The following PRRC1 variants were observed in gnomAD, a reference collection of about 807,000 sequenced individuals.
PRRC1 encodes protein PRRC1.
PRRC1 carries 39 observed loss-of-function variants against 40.7 expected under a neutral mutation model. The ratio of observed to expected loss-of-function variants is 0.96; its 90% confidence interval spans 0.74 to 1.25. The LOEUF (loss-of-function observed/expected upper bound fraction) is 1.25. PRRC1 is among the 50% of genes most tolerant of loss of function. The probability of loss-of-function intolerance (pLI) is 0.00; values close to 1 mark genes in which losing one functional copy is unlikely to be tolerated. For synonymous variants in PRRC1, 175 were observed against 193.3 expected, an observed-to-expected ratio of 0.91 and a Z score of 0.79; for missense variants, 573 against 548.3, an observed-to-expected ratio of 1.05 and a Z score of -0.45.
intron 1 of PRRC1, among the ~76,000 whole-genome samples, chr5:127,521,822 T>A (rs184664389): frequency 1.3e-5 from 2 of 152,324 alleles, no homozygotes. Context: ...ATATTCACTT[T>A]TTCTGGACTC....
At chr5:127,549,117 G>C (rs1443284656) in intron 8 of PRRC1, 2 of 150,964 alleles carry the variant, frequency 1.3e-5, no homozygotes, top group African/African-American at 4.9e-5. Flanking sequence ...ATATGATTCA[G>C]CTTAATTGAA....
intron 8 of PRRC1, chr5:127,548,234 G>A (rs1172300820): frequency 1.8e-5 from 9 of 495,798 alleles, no homozygotes; most frequent in African/African-American, 7.9e-5. Flanking sequence ...TTTTATGTCC[G>A]CCTTTCGTTT....
chr5:127,549,069 C>T (rs983996825), intron 8 of PRRC1: 1 of 151,610 alleles, frequency 6.6e-6, no homozygotes, highest in African/African-American at 2.4e-5. Context: ...GACGTTGTTG[C>T]CTTTGATGGT....
intron 5 of PRRC1, among the ~76,000 whole-genome samples, chr5:127,531,155 G>A (rs1208827796): frequency 6.6e-6 from 1 of 152,174 alleles, no homozygotes; most frequent in Non-Finnish European, 1.5e-5. Context: ...ATAAGGCCTA[G>A]CAATTGTTAA....
chr5:127,530,119 A>G (rs960332593), intron 4 of PRRC1, among the ~76,000 whole-genome samples, 175 bp from the exon 5 acceptor site: 2 of 152,178 alleles, frequency 1.3e-5, no homozygotes, highest in African/African-American at 4.8e-5. Flanking sequence ...AAAAAAATTG[A>G]GAGTATCATT....
intron 2 of PRRC1, chr5:127,523,934 G>A: frequency 5.7e-6 from 1 of 175,228 alleles, no homozygotes; most frequent in African/African-American, 2.4e-5. Flanking sequence ...GAGTGCAGTG[G>A]TGCGATCTCA....
intron 2 of PRRC1, 86 bp from the exon 3 acceptor site, chr5:127,524,445 T>C: frequency 7.4e-7 from 1 of 1,353,834 alleles, no homozygotes; most frequent in Non-Finnish European, 1.0e-6. Context: ...TTAAAAATTT[T>C]GCAAGAAGAA....
chr5:127,537,751 TTTAC>T (rs1480515210), intron 6 of PRRC1, among the ~76,000 whole-genome samples: 1 of 151,944 alleles, frequency 6.6e-6, no homozygotes, highest in Non-Finnish European at 1.5e-5. Context: ...GGAATGAATG[TTTAC>T]TTAAGCTTTT....
chr5:127,526,624 T>C lies in PRRC1; in HGVS notation c.500T>C (p.Leu167Ser). Residue 167 changes from leucine (L) to serine (S), a missense_variant, in exon 4 of 9, where the codon TTG (leucine) becomes TCG (serine). Coordinates refer to ENST00000296666, the MANE Select transcript of PRRC1 (RefSeq NM_130809.5). ...SFSAPSGTGLLPTPITQQASL... is the reference protein window; with the variant it reads ...SFSAPSGTGLSPTPITQQASL... ...AATTTTTGCCATTGATTAGGTCTTT[T>C]GCCAACTCCTATTACTCAGCAAGCC... 6.2e-7 allele frequency: 1 copy of C among 1,604,428 alleles called. No individual in the cohort carries two copies. Among genetic ancestry groups the C allele is most frequent in the Non-Finnish European group, 8.5e-7 (1 of 1,176,398 alleles).
Position 127,524,528 on chromosome 5 carries a change from TAGCGGCAA to T in PRRC1, c.104-2_109del. 1 of 1,588,352 alleles carries T rather than the reference TAGCGGCAA, an allele frequency of 6.3e-7. No individual in the cohort carries two copies. The highest frequency in any genetic ancestry group is 1.1e-5 in the South Asian group (1 of 88,818). On this transcript the variant is annotated splice_acceptor_variant and coding_sequence_variant, in exon 3 of 9. Coordinates refer to ENST00000296666, the MANE Select transcript of PRRC1 (RefSeq NM_130809.5). LOFTEE classifies it high-confidence loss of function. Reference sequence around the variant, plus strand: ...TGCTTTTATCCTCTCCACTTTTTTCTAGCGGCAACCAGTTCTTTTTCTTCTCCAAATGT... The same window carrying T: ...TGCTTTTATCCTCTCCACTTTTTTCTCCAGTTCTTTTTCTTCTCCAAATGT...
At chr5:127,550,345 A>G (rs1227071687) in intron 8 of PRRC1, 5 of 152,124 alleles carry the variant, frequency 3.3e-5, no homozygotes, top group Admixed American at 3.3e-4. Flanking sequence ...AAAATGTTTT[A>G]TGCTTTTTTA....
Position 127,547,804 on chromosome 5 carries a change from G to A in PRRC1, c.1026-15G>A, listed in dbSNP as rs375753871. 17 of 1,583,784 alleles carry A rather than the reference G, an allele frequency of 1.1e-5. No homozygotes were observed. The highest frequency in any genetic ancestry group is 4.5e-5 in the East Asian group (2 of 44,592). ...TTGGCATATAAACCATTTGAAACTC[G>A]TAATTCTGTTGCAGATGGTTTGACA... On this transcript the variant is annotated splice_polypyrimidine_tract_variant and intron_variant, in intron 7 of 8. Coordinates refer to ENST00000296666, the MANE Select transcript of PRRC1 (RefSeq NM_130809.5).
rs141280656 is a variant in PRRC1 at position 127,551,447 on chromosome 5, T to G, written c.1129-260T>G. 7.1e-5 allele frequency: 29 copies of G among 409,670 alleles called. No individual in the cohort carries two copies. In the East Asian group the frequency reaches 1.3e-3, roughly 18 times the overall value. 25.4% of individuals were successfully genotyped at this position (409,670 alleles called of 1,614,324 possible). On this transcript the variant is annotated intron_variant, in intron 8 of 8. Transcript: ENST00000296666. The stretch of plus-strand genomic sequence containing the variant: ...CTTATTATTAACCTGAAGTGACACT[T>G]AATTTAGAACTAGAACTCAAACCTT...
At chr5:127,536,118 G>C (rs978879929) in intron 6 of PRRC1, among the ~76,000 whole-genome samples, 8 of 152,034 alleles carry the variant, frequency 5.3e-5, no homozygotes, top group African/African-American at 1.9e-4. Flanking sequence ...CTTACACACA[G>C]AGCAAAGCTG....
chr5:127,548,226 T>G, intron 8 of PRRC1: 2 of 516,906 alleles, frequency 3.9e-6, no homozygotes, highest in Non-Finnish European at 6.8e-6. Flanking sequence ...TCTAGTTGTT[T>G]TATGTCCGCC....
intron 7 of PRRC1, among the ~76,000 whole-genome samples, chr5:127,542,695 A>G (rs894731232): frequency 2.0e-5 from 3 of 150,708 alleles, no homozygotes; most frequent in Non-Finnish European, 3.0e-5. Context: ...TAGGATTGCA[A>G]CCCCTGCCTT....
intron 5 of PRRC1, among the ~76,000 whole-genome samples, chr5:127,532,111 T>TG (rs1309364362): frequency 2.6e-5 from 4 of 151,726 alleles, no homozygotes; most frequent in African/African-American, 9.7e-5. Context: ...GGTTTTTTTT[T>TG]TTGTTGTTTT....
chr5:127,544,714 G>A (rs1032706667), intron 7 of PRRC1, among the ~76,000 whole-genome samples: 5 of 152,220 alleles, frequency 3.3e-5, no homozygotes, highest in African/African-American at 9.6e-5. Flanking sequence ...CTGGTGCGCT[G>A]TTTTTTAAGC....
At chr5:127,548,102 T>G (rs548147571) in intron 8 of PRRC1, 181 bp downstream of exon 8, 2 of 645,722 alleles carry the variant, frequency 3.1e-6, no homozygotes, top group South Asian at 3.6e-5. Context: ...TTTTAGTACC[T>G]TCCTCCTTTT....
Sources: allele counts gnomAD v4.1 joint callset (sites outside exome capture counted in the v4.1 genomes callset), GRCh38; gene constraint gnomAD v4.1.1; transcripts MANE v1.5; gene names NCBI Gene and HGNC (gene_info 2026-07-23, HGNC 2026-07-21).